Variants in CRB1 observed in about 807,000 individuals in gnomAD.
The protein encoded by CRB1 is crumbs cell polarity complex component 1, also known as protein crumbs homolog 1.
CRB1 carries 83 observed loss-of-function variants against 120.0 expected under a neutral mutation model. The ratio of observed to expected loss-of-function variants is 0.69; its 90% confidence interval spans 0.58 to 0.83. CRB1 has a LOEUF of 0.83. Among genes scored for constraint, CRB1 ranks in the 40% least tolerant of loss-of-function variants. CRB1 has a pLI of 0.00. For missense variants in CRB1, 1,699 were observed against 1,687.6 expected (o/e 1.01, Z -0.12); for synonymous variants, 625 against 612.5 (o/e 1.02, Z -0.30).
chr1:197,328,198 G>T lies in CRB1; in HGVS notation c.71-224G>T, dbSNP rs532233523. Among the ~76,000 whole-genome samples, 4 of 152,150 alleles carry T rather than the reference G, an allele frequency of 2.6e-5. No homozygotes were observed. In the South Asian group the frequency reaches 8.3e-4, roughly 32 times the overall value. The stretch of plus-strand genomic sequence containing the variant: ...TTCTTTCTGTGTCCATTTAAGTCTT[G>T]CTCTGAAGGTATTATCACTATGAAA... On this transcript the variant is annotated intron_variant, in intron 1 of 11. Coordinates refer to ENST00000367400, the MANE Select transcript of CRB1 (RefSeq NM_201253.3).
At chr1:197,351,804 C>T (rs1660127160) in intron 4 of CRB1, among the ~76,000 whole-genome samples, 1 of 152,128 alleles carries the variant, frequency 6.6e-6, no homozygotes, top group Non-Finnish European at 1.5e-5. Flanking sequence ...TAGGACAGTT[C>T]TGCCTCTGGG....
chr1:197,415,885 G>T (rs934298682), intron 5 of CRB1, among the ~76,000 whole-genome samples: 3 of 151,906 alleles, frequency 2.0e-5, no homozygotes, highest in African/African-American at 7.3e-5. Context: ...CTCGTGATCC[G>T]CCCACCTCGG....
At chr1:197,448,415 T>C (rs1665804089) in intron 11 of CRB1, among the ~76,000 whole-genome samples, 2 of 152,146 alleles carry the variant, frequency 1.3e-5, no homozygotes, top group South Asian at 4.1e-4. Flanking sequence ...GTTTGGGGAT[T>C]CCCACAACAT....
chr1:197,400,707 G>C (rs951442340), intron 5 of CRB1, among the ~76,000 whole-genome samples: 4 of 151,990 alleles, frequency 2.6e-5, no homozygotes, highest in African/African-American at 9.7e-5. Flanking sequence ...CCTGATTTAA[G>C]GTTTCTCACT....
rs1661083959 is a variant in CRB1, at chr1:197,366,507, T to C, written c.1171+9494T>C. 2.0e-5 allele frequency among the ~76,000 whole-genome samples: 3 copies of C among 152,206 alleles called. No individual in the cohort carries two copies. In the South Asian group the frequency reaches 6.2e-4, roughly 31 times the overall value. On this transcript the variant is annotated intron_variant, in intron 5 of 11. Transcript: ENST00000367400. The stretch of plus-strand genomic sequence containing the variant: ...ACTACTTGTGTAATTACCTTCTATA[T>C]TGAAAATATTTGCATATGTAACGTA...
chr1:197,349,278 G>C (rs1178639816), intron 4 of CRB1, among the ~76,000 whole-genome samples: 1 of 152,136 alleles, frequency 6.6e-6, no homozygotes, highest in African/African-American at 2.4e-5. Context: ...ATTTAGGTCT[G>C]TATAAGTACA....
At chr1:197,261,649 C>G in the CRB1 span, among the ~76,000 whole-genome samples, 1 of 152,134 alleles carries the variant, frequency 6.6e-6, no homozygotes, top group Non-Finnish European at 1.5e-5. Context: ...ATGATTACTT[C>G]TGGAGAGGAG....
At chr1:197,258,078 G>A in the CRB1 span, among the ~76,000 whole-genome samples, 1 of 152,068 alleles carries the variant, frequency 6.6e-6, no homozygotes, top group Non-Finnish European at 1.5e-5. Flanking sequence ...TAAATAGTTA[G>A]AAAGAATAAA....
At chr1:197,290,246 A>G (rs549127159) in intron 1 of CRB1, among the ~76,000 whole-genome samples, 1 of 142,798 alleles carries the variant, frequency 7.0e-6, no homozygotes, top group East Asian at 2.2e-4. Flanking sequence ...GCTCAAAATC[A>G]GTTTTTTATG....
At chr1:197,390,690 C>CA (rs1428272720) in intron 5 of CRB1, among the ~76,000 whole-genome samples, 2 of 151,994 alleles carry the variant, frequency 1.3e-5, no homozygotes, top group Admixed American at 6.6e-5. Flanking sequence ...AAATATAATA[C>CA]AAAAAAATTT....
rs1660824105 is a variant in CRB1, at chr1:197,362,502, CT to C, written c.1171+5492del. On this transcript the variant is annotated intron_variant, in intron 5 of 11. Transcript: ENST00000367400. ...CCCACCTATAATTATGGATTTGTCT[CT>C]TTCTTCTTTCAGTTCTATCAATTTT... 2.6e-5 allele frequency among the ~76,000 whole-genome samples: 4 copies of C among 152,110 alleles called. No homozygotes were observed. In the South Asian group the frequency reaches 8.3e-4, roughly 32 times the overall value.
At position 197,337,119 on chromosome 1, in the gene CRB1, C is replaced by T. The variant is rs74136096; in HGVS notation, c.653-7162C>T. ...CTTTTGGGAGGTAATTTGGTCATTG[C>T]GGGGAAGCTCTCATAAATAGGCTAT... On this transcript the variant is annotated intron_variant, in intron 2 of 11. Transcript: ENST00000367400. 5.6e-3 allele frequency among the ~76,000 whole-genome samples: 853 copies of T among 152,168 alleles called. 6 individuals carry two copies. The highest frequency in any genetic ancestry group is 0.019 in the African/African-American group (801 of 41,498).
At chr1:197,476,200 G>A (rs1413956614) in intron 11 of CRB1, among the ~76,000 whole-genome samples, 9 of 152,072 alleles carry the variant, frequency 5.9e-5, no homozygotes, top group Non-Finnish European at 1.5e-5. Context: ...ATGAGCCACC[G>A]AGATTGTCTC....
At chr1:197,202,332 A>T in the CRB1 span, among the ~76,000 whole-genome samples, 1 of 152,294 alleles carries the variant, frequency 6.6e-6, no homozygotes, top group South Asian at 2.1e-4. Context: ...ATTCCTAGCA[A>T]AAACTCACAT....
chr1:197,206,118 T>C, the CRB1 span, among the ~76,000 whole-genome samples: 1 of 152,174 alleles, frequency 6.6e-6, no homozygotes, highest in African/African-American at 2.4e-5. Flanking sequence ...ATTTCATTTC[T>C]AATTGTGCTT....
chr1:197,365,192 G>C (rs1432558350), intron 5 of CRB1, among the ~76,000 whole-genome samples: 1 of 152,188 alleles, frequency 6.6e-6, no homozygotes, highest in Non-Finnish European at 1.5e-5. Flanking sequence ...TGGTCAGAAG[G>C]TGTTTCCTTA....
At chr1:197,476,476 C>T (rs1667203669) in intron 11 of CRB1, among the ~76,000 whole-genome samples, 1 of 151,160 alleles carries the variant, frequency 6.6e-6, no homozygotes, top group African/African-American at 2.4e-5. Flanking sequence ...TTTTCATTTC[C>T]TAGCTCAGTA....
intron 5 of CRB1, among the ~76,000 whole-genome samples, chr1:197,398,661 C>T (rs1326855898): frequency 6.6e-6 from 1 of 152,042 alleles, no homozygotes; most frequent in Non-Finnish European, 1.5e-5. Context: ...TTCGGCAAGT[C>T]AGCGAACATA....
chr1:197,268,748 A>C (rs1204455880), intron 1 of CRB1, among the ~76,000 whole-genome samples: 1 of 152,208 alleles, frequency 6.6e-6, no homozygotes, highest in Non-Finnish European at 1.5e-5. Flanking sequence ...CTGGAGAATG[A>C]AATGGTCACA....
Sources: gnomAD v4.1 joint callset for allele counts (sites outside exome capture counted in the v4.1 genomes callset) on GRCh38, gnomAD v4.1.1 for gene constraint, MANE v1.5 for transcripts, NCBI Gene and HGNC (gene_info 2026-07-23, HGNC 2026-07-21) for gene names.